PCDHGB4: variants seen among roughly 807,000 people sequenced by gnomAD.
PCDHGB4 encodes the protein protocadherin gamma-B4.
A neutral mutation model predicts 60.5 loss-of-function variants in PCDHGB4; 38 were observed. That is an observed-to-expected ratio of 0.63 (90% confidence interval 0.48 to 0.82). PCDHGB4 has a LOEUF of 0.82. Ranked by LOEUF, PCDHGB4 falls within the 40% of genes least tolerant of loss-of-function variation. The pLI, the probability that PCDHGB4 is intolerant of heterozygous loss-of-function variation, is 0.00. For missense variants in PCDHGB4, 1,109 were observed against 1,209.6 expected, an observed-to-expected ratio of 0.92 and a Z score of 1.23; for synonymous variants, 456 against 509.7, an observed-to-expected ratio of 0.89 and a Z score of 1.42.
chr5:141,388,568 AC>A lies in PCDHGB4; in HGVS notation c.685del (p.His229ThrfsTer3). 1 of 1,613,888 alleles carries A rather than the reference AC, an allele frequency of 6.2e-7. No homozygotes were observed. Among genetic ancestry groups the A allele is most frequent in the East Asian group, 2.2e-5 (1 of 44,880 alleles). Reference sequence around the variant, plus strand: ...CACCCCTAAGCAGCACTGCACAGATACACGTTCTAGTGACTGATGCCAATGA... The same window carrying A: ...CACCCCTAAGCAGCACTGCACAGATAACGTTCTAGTGACTGATGCCAATGA... ...APPLSSTAQI[H>X]VLVTDANDNA... On this transcript the variant is annotated frameshift_variant, in exon 1 of 4. Transcript: ENST00000519479. LOFTEE classifies it high-confidence loss of function.
At chr5:141,401,391 T>C (rs923364219) in intron 1 of PCDHGB4, among the ~76,000 whole-genome samples, 1 of 152,140 alleles carries the variant, frequency 6.6e-6, no homozygotes, top group Non-Finnish European at 1.5e-5. Flanking sequence ...ATACTACATG[T>C]TATGTGTATG....
At chr5:141,430,584 G>A (rs1451886397) in intron 1 of PCDHGB4, 3 of 495,136 alleles carry the variant, frequency 6.1e-6, no homozygotes, top group African/African-American at 5.9e-5. Flanking sequence ...GATCCTGCTC[G>A]CCTTGCACGC....
rs749007839 is a variant in PCDHGB4 at position 141,418,069 on chromosome 5, G to A, written c.2397+27788G>A. On this transcript the variant is annotated intron_variant, in intron 1 of 3. Coordinates refer to ENST00000519479, the MANE Select transcript of PCDHGB4 (RefSeq NM_003736.4). ...CGGCTCGCGAGCTGCGAGTGAGCGC[G>A]GAGAAGCTGCACTTCAGCGTAGACG... 1.7e-5 allele frequency: 28 copies of A among 1,613,926 alleles called. 1 individual carries two copies. The Middle Eastern group carries it at 9.9e-4, about 57-fold the overall frequency.
chr5:141,491,284 A>C lies in PCDHGB4; in HGVS notation c.2398-3523A>C. ...AATGCCCAAATCCAGTGACTTCCTC[A>C]TACACCCTCCTGAGCGTTCAGACCT... On this transcript the variant is annotated intron_variant, in intron 1 of 3. Transcript: ENST00000519479. The surrounding 1 kb of genome is among the most constrained non-coding windows in gnomAD (Gnocchi z 6.9). 1.2e-6 allele frequency: 2 copies of C among 1,614,128 alleles called. No homozygotes were observed. The highest frequency in any genetic ancestry group is 1.7e-6 in the Non-Finnish European group (2 of 1,179,978).
intron 1 of PCDHGB4, among the ~76,000 whole-genome samples, chr5:141,474,788 A>G (rs1426105047): frequency 6.6e-6 from 1 of 152,232 alleles, no homozygotes; most frequent in Non-Finnish European, 1.5e-5. Context: ...AACACTTTAC[A>G]TCTAATGGAG....
intron 1 of PCDHGB4, chr5:141,398,772 G>A: frequency 6.2e-7 from 1 of 1,613,910 alleles, no homozygotes; most frequent in South Asian, 1.1e-5. Flanking sequence ...TGACTGCCTT[G>A]GACGGTGGAC....
At chr5:141,423,395 C>G (rs1249200485) in intron 1 of PCDHGB4, 1 of 1,614,060 alleles carries the variant, frequency 6.2e-7, no homozygotes, top group Non-Finnish European at 8.5e-7. Context: ...TGGCATAAGT[C>G]ACGCCTGCTG....
chr5:141,420,156 A>T lies in PCDHGB4; in HGVS notation c.2397+29875A>T, dbSNP rs1406451882. ...GGGGATCAAATGAATCCAGAATTTA[A>T]TTTTTTCACATCTGTTGATCATTGT... On this transcript the variant is annotated intron_variant, in intron 1 of 3. Coordinates refer to ENST00000519479, the MANE Select transcript of PCDHGB4 (RefSeq NM_003736.4). The T allele has an allele frequency of 1.4e-5, 22 of 1,613,872 alleles. No individual in the cohort carries two copies. Among genetic ancestry groups the T allele is most frequent in the Middle Eastern group, 3.3e-4 (2 of 6,084 alleles).
chr5:141,462,125 A>G (rs918645911), intron 1 of PCDHGB4, among the ~76,000 whole-genome samples: 24 of 151,688 alleles, frequency 1.6e-4, no homozygotes, highest in African/African-American at 5.6e-4. Flanking sequence ...ACCCAGTCCA[A>G]TTTTTTGTAT....
At position 141,388,133 on chromosome 5, in the gene PCDHGB4, G is replaced by C; in HGVS notation, c.249G>C (p.Glu83Asp). The C allele has an allele frequency of 6.9e-7, 1 of 1,450,894 alleles. No individual in the cohort carries two copies. 89.9% of individuals were successfully genotyped at this position (1,450,894 alleles called of 1,614,324 possible). The change falls in exon 1 of 4, where the codon GAG becomes GAC. Residue 83 changes from glutamate (E) to aspartate (D), a missense_variant. By Grantham distance (45) the Glu-to-Asp change is conservative. This residue lies in a region of PCDHGB4 where 1,068 missense variants were observed against 1,089.9 expected (regional missense o/e 0.98). Transcript: ENST00000519479. ...TCACCGTGAGCGCAGAGAGCGGGGA[G>C]TTGCTTGTGAGCAGCAGGCTAGACA... ...PYFTVSAESG[E>D]LLVSSRLDRE...
chr5:141,451,237 A>G (rs1405567593), intron 1 of PCDHGB4, among the ~76,000 whole-genome samples: 1 of 152,198 alleles, frequency 6.6e-6, no homozygotes, highest in Non-Finnish European at 1.5e-5. Context: ...TTATTATCTC[A>G]TAAATTTTGT....
intron 1 of PCDHGB4, chr5:141,415,367 CT>C (rs2095859649): frequency 6.2e-7 from 1 of 1,614,118 alleles, no homozygotes; most frequent in African/African-American, 1.3e-5. Flanking sequence ...CTGCTGCAGG[CT>C]TCAGGAGGCG....
At chr5:141,502,525 G>A (rs1258704254) in intron 2 of PCDHGB4, among the ~76,000 whole-genome samples, 1 of 152,074 alleles carries the variant, frequency 6.6e-6, no homozygotes, top group Non-Finnish European at 1.5e-5. Flanking sequence ...CAGTGATGCC[G>A]AGTTTGTTCG....
rs915257485 is a variant in PCDHGB4, at chr5:141,476,018, A to T, written c.2398-18789A>T. ...AACGGCATCCAGAAAGCCATGTCGG[A>T]CTCGGCGCCCAGCGCCCAAGCGCTA... On this transcript the variant is annotated intron_variant, in intron 1 of 3. Transcript: ENST00000519479. This position sits in a 1 kb window ranked among gnomAD's most constrained non-coding sequence, Gnocchi z 7.6. The T allele has an allele frequency of 5.8e-6, 8 of 1,371,412 alleles. No homozygotes were observed. Among genetic ancestry groups the T allele is most frequent in the Non-Finnish European group, 7.9e-6 (8 of 1,016,908 alleles). The allele number at this position is 1,371,412 out of a possible 1,614,324, so 85.0% of individuals were successfully genotyped here.
chr5:141,505,616 C>A, intron 3 of PCDHGB4, 135 bp downstream of exon 3: 1 of 1,503,160 alleles, frequency 6.7e-7, no homozygotes. Flanking sequence ...CTGAAAGGAC[C>A]CACAATTCCA....
Position 141,511,015 on chromosome 5 carries a change from C to A in PCDHGB4, c.2614C>A (p.Pro872Thr). Residue 872 changes from proline (P) to threonine (T), a missense_variant, in exon 4 of 4, where the codon CCC becomes ACC. This residue lies in a region of PCDHGB4 where 1,068 missense variants were observed against 1,089.9 expected (regional missense o/e 0.98). Coordinates refer to ENST00000519479, the MANE Select transcript of PCDHGB4 (RefSeq NM_003736.4). ...GTMGLSARYG[P>T]QFTLQHVPDY... ...CATGGGATTGAGCGCCCGCTACGGA[C>A]CCCAGTTCACCCTGCAGCACGTGCC... 6.2e-7 allele frequency: 1 copy of A among 1,614,224 alleles called. No individual in the cohort carries two copies. The highest frequency in any genetic ancestry group is 8.5e-7 in the Non-Finnish European group (1 of 1,180,038).
intron 1 of PCDHGB4, chr5:141,427,090 A>G: frequency 2.2e-6 from 1 of 458,214 alleles, no homozygotes; most frequent in East Asian, 6.9e-5. Context: ...GACCAGGATG[A>G]GGGTGTCAAT....
chr5:141,429,572 T>C (rs1450720834), intron 1 of PCDHGB4, among the ~76,000 whole-genome samples: 1 of 152,226 alleles, frequency 6.6e-6, no homozygotes, highest in South Asian at 2.1e-4. Context: ...TTCAGTTACA[T>C]TTACTTTTGA....
In PCDHGB4 at chr5:141,489,185, T is replaced by G; in HGVS notation, c.2398-5622T>G. The G allele has an allele frequency of 7.8e-7, 1 of 1,286,838 alleles. No individual in the cohort carries two copies. The highest frequency in any genetic ancestry group is 1.5e-5 in the African/African-American group (1 of 67,216). 79.7% of individuals were successfully genotyped at this position (1,286,838 alleles called of 1,614,324 possible). On this transcript the variant is annotated intron_variant, in intron 1 of 3. Transcript: ENST00000519479. The surrounding 1 kb of genome is among the most constrained non-coding windows in gnomAD (Gnocchi z 4.5). The stretch of plus-strand genomic sequence containing the variant: ...CAGCTGCTGCATTCCAAGCCCTGGG[T>G]CTACCTTGGAGACAGGACAGCACAG...
Sources: gnomAD v4.1 joint callset for allele counts (sites outside exome capture counted in the v4.1 genomes callset) on GRCh38, gnomAD v4.1.1 for gene constraint, gnomAD v4.1.1 regional missense constraint, Gnocchi (gnomAD v3.1) non-coding constraint, MANE v1.5 for transcripts, NCBI Gene and HGNC (gene_info 2026-07-23, HGNC 2026-07-21) for gene names.